Variants in FCN2 observed in about 807,000 individuals in gnomAD.
The protein encoded by FCN2 is ficolin-2.
FCN2 carries 31 observed loss-of-function variants against 32.5 expected under a neutral mutation model. The ratio of observed to expected loss-of-function variants is 0.96; its 90% CI spans 0.72 to 1.29. The LOEUF (loss-of-function observed/expected upper bound fraction) is 1.29, where lower values mean the gene tolerates loss of function less well. Ranked by LOEUF, FCN2 falls within the 50% of genes most tolerant of loss-of-function variation. The probability of loss-of-function intolerance (pLI) is 0.00; values close to 1 mark genes in which losing one functional copy is unlikely to be tolerated. For missense variants in FCN2, 412 were observed against 406.5 expected (o/e 1.01, Z -0.12); for synonymous variants, 181 against 164.5 (o/e 1.10, Z -0.77).
chr9:134,865,843 AACAG>A, the FCN2 span, among the ~76,000 whole-genome samples: 1 of 152,184 alleles, frequency 6.6e-6, no homozygotes, highest in East Asian at 1.9e-4. Context: ...ATACACCAAC[AACAG>A]ACAAACAGAG....
chr9:134,881,865 G>C lies in FCN2; in HGVS notation c.101-661G>C, dbSNP rs866040907. Among the ~76,000 whole-genome samples the C allele has an allele frequency of 6.5e-4, 99 of 152,208 alleles. 1 individual carries two copies. In the Middle Eastern group the frequency reaches 0.01, roughly 16 times the overall value. ...TCAAATAATAGCACGTGTTATTTTT[G>C]TAACACACTCACTTGAATTTGAGTT... On this transcript the variant is annotated intron_variant, in intron 1 of 7. Coordinates refer to ENST00000291744, the MANE Select transcript of FCN2 (RefSeq NM_004108.3).
In FCN2 at chr9:134,883,427, G is replaced by A; in HGVS notation, c.268+72G>A. The A allele has an allele frequency of 5.2e-6, 7 of 1,356,740 alleles. 1 individual carries two copies. The South Asian group carries it at 8.2e-5, about 16-fold the overall frequency. The allele number at this position is 1,356,740 out of a possible 1,614,324, so 84.0% of individuals were successfully genotyped here. ...CCTGGCTGCAGAGGAACGTGAGGCG[G>A]GTCTTCTGGGGCTGCCACGCTGTCC... On this transcript the variant is annotated intron_variant, in intron 3 of 7. Coordinates refer to ENST00000291744, the MANE Select transcript of FCN2 (RefSeq NM_004108.3).
At chr9:134,869,871 C>T in the FCN2 span, among the ~76,000 whole-genome samples, 3 of 152,150 alleles carry the variant, frequency 2.0e-5, no homozygotes, top group Non-Finnish European at 4.4e-5. Flanking sequence ...GTGGGCGCTG[C>T]ACTGTTCCCG....
the FCN2 span, among the ~76,000 whole-genome samples, chr9:134,870,222 C>T: frequency 1.3e-5 from 2 of 152,192 alleles, no homozygotes; most frequent in African/African-American, 4.8e-5. This position sits in a 1 kb window ranked among gnomAD's most constrained non-coding sequence, Gnocchi z 4.3. Flanking sequence ...ATGTGGGAGA[C>T]AGCAGCCCCC....
chr9:134,880,905 G>A lies in FCN2; in HGVS notation c.84G>A (p.Ala28=), dbSNP rs533565828. The A allele has an allele frequency of 5.0e-5, 81 of 1,612,666 alleles. No individual in the cohort carries two copies. The South Asian group carries it at 6.2e-4, about 12-fold the overall frequency. The change falls in exon 1 of 8, where the codon GCG becomes GCA. Residue 28 remains alanine, a synonymous_variant. Transcript: ENST00000291744. ...TGGGCATGGCCTGGGCTCTCCAGGC[G>A]GCAGACACCTGTCCAGGTAAGGGCA... is the stretch of plus-strand genomic sequence containing the variant. The part of the protein sequence containing the change: ...SFLGMAWALQ[A]ADTCPEVKMV...
intron 3 of FCN2, 92 bp downstream of exon 3, chr9:134,883,447 C>A: frequency 8.5e-7 from 1 of 1,174,896 alleles, no homozygotes; most frequent in Non-Finnish European, 1.3e-6. Context: ...GGCTGCCACG[C>A]TGTCCTCGCC....
the FCN2 span, among the ~76,000 whole-genome samples, chr9:134,870,530 T>A: frequency 2.0e-5 from 3 of 151,952 alleles, no homozygotes; most frequent in Non-Finnish European, 4.4e-5. The surrounding 1 kb of genome is among the most constrained non-coding windows in gnomAD (Gnocchi z 4.3). Context: ...CGTGCCTGAG[T>A]GGCAGCAATA....
At position 134,887,391 on chromosome 9, in the gene FCN2, A is replaced by G. The variant is rs1830776227; in HGVS notation, c.918A>G (p.Ser306=). The stretch of plus-strand genomic sequence containing the variant: ...GATACAATTATAGCTACAAGGTGTC[A>G]GAGATGAAGGTGCGACCTGCCTAGC... ...GKGYNYSYKV[S]EMKVRPA The change falls in exon 8 of 8, where the codon TCA becomes TCG. Residue 306 remains serine (S), a synonymous_variant. Transcript: ENST00000291744. The G allele has an allele frequency of 6.2e-7, 1 of 1,614,032 alleles. No homozygotes were observed. The highest frequency in any genetic ancestry group is 8.5e-7 in the Non-Finnish European group (1 of 1,180,030).
chr9:134,872,111 C>T, the FCN2 span, among the ~76,000 whole-genome samples: 1 of 152,236 alleles, frequency 6.6e-6, no homozygotes, highest in Non-Finnish European at 1.5e-5. Flanking sequence ...GTACTGTGCA[C>T]AGCAGTTTGT....
At chr9:134,867,662 TTA>T in the FCN2 span, among the ~76,000 whole-genome samples, 1 of 135,928 alleles carries the variant, frequency 7.4e-6, no homozygotes, top group East Asian at 2.1e-4. Context: ...TGGGGATACT[TTA>T]AAAAAAAAAA....
At chr9:134,871,219 G>C in the FCN2 span, among the ~76,000 whole-genome samples, 1 of 152,178 alleles carries the variant, frequency 6.6e-6, no homozygotes, top group African/African-American at 2.4e-5. Flanking sequence ...TCGGCGCTGA[G>C]GACTGGTGGA....
intron 7 of FCN2, 85 bp from the exon 8 acceptor site, chr9:134,887,083 C>A (rs1356795190): frequency 2.0e-6 from 3 of 1,525,732 alleles, no homozygotes; most frequent in Non-Finnish European, 2.7e-6. Flanking sequence ...GGAGGACACA[C>A]CAGGCCAGGC....
At chr9:134,874,899 T>C in the FCN2 span, among the ~76,000 whole-genome samples, 2 of 152,274 alleles carry the variant, frequency 1.3e-5, no homozygotes, top group African/African-American at 4.8e-5. Context: ...TGTAGTTTTC[T>C]GAATAGGTCT....
At chr9:134,867,616 T>C in the FCN2 span, among the ~76,000 whole-genome samples, 9 of 149,852 alleles carry the variant, frequency 6.0e-5, no homozygotes, top group East Asian at 5.9e-4. Context: ...ATTGTACCCA[T>C]GTACCCTAAA....
chr9:134,873,172 C>T, the FCN2 span, among the ~76,000 whole-genome samples: 4 of 151,756 alleles, frequency 2.6e-5, no homozygotes, highest in South Asian at 2.1e-4. Flanking sequence ...CTCTGTGTTC[C>T]GAGTACCACC....
chr9:134,870,643 G>C, the FCN2 span, among the ~76,000 whole-genome samples: 1 of 152,162 alleles, frequency 6.6e-6, no homozygotes, highest in Non-Finnish European at 1.5e-5. The surrounding 1 kb of genome is among the most constrained non-coding windows in gnomAD (Gnocchi z 4.3). Context: ...GCCCTGCGGG[G>C]GGACAGCCAG....
At chr9:134,871,213 C>T in the FCN2 span, among the ~76,000 whole-genome samples, 2 of 152,188 alleles carry the variant, frequency 1.3e-5, no homozygotes, top group African/African-American at 2.4e-5. Context: ...CCAGGATCGG[C>T]GCTGAGGACT....
At position 134,880,900 on chromosome 9, in the gene FCN2, C is replaced by T. The variant is rs1214016684; in HGVS notation, c.79C>T (p.Gln27Ter). ...TTTCCTGGGCATGGCCTGGGCTCTC[C>T]AGGCGGCAGACACCTGTCCAGGTAA... ...LSFLGMAWAL[Q>*]AADTCPEVKM... Residue 27 changes from glutamine to a stop codon, truncating the protein, a stop_gained, in exon 1 of 8, where the codon CAG (glutamine) becomes TAG (stop). Coordinates refer to ENST00000291744, the MANE Select transcript of FCN2 (RefSeq NM_004108.3). LOFTEE classifies it high-confidence loss of function. 1 of 1,613,152 alleles carries T rather than the reference C, an allele frequency of 6.2e-7. No individual in the cohort carries two copies. Among genetic ancestry groups the T allele is most frequent in the Non-Finnish European group, 8.5e-7 (1 of 1,179,798 alleles).
At chr9:134,873,899 G>T in the FCN2 span, among the ~76,000 whole-genome samples, 145 of 45,504 alleles carry the variant, frequency 3.2e-3, 1 homozygote, top group African/African-American at 0.013. Flanking sequence ...TTTGTTTTTT[G>T]TTTTTTTTTG....
Sources: gnomAD v4.1 joint callset for allele counts (sites outside exome capture counted in the v4.1 genomes callset) on GRCh38, gnomAD v4.1.1 for gene constraint, Gnocchi (gnomAD v3.1) non-coding constraint, MANE v1.5 for transcripts, NCBI Gene and HGNC (gene_info 2026-07-23, HGNC 2026-07-21) for gene names.